ADAM18: variants seen among roughly 807,000 people sequenced by gnomAD.
ADAM18 encodes ADAM metallopeptidase domain 18.
In ADAM18, 117 loss-of-function variants were observed where a neutral mutation model predicts 94.4. That is an observed-to-expected ratio of 1.24 (90% CI 1.07 to 1.45). The LOEUF is 1.45. ADAM18 is among the 40% of genes most tolerant of loss of function. The pLI, the probability that ADAM18 is intolerant of heterozygous loss-of-function variation, is 0.00. For missense variants in ADAM18, 936 were observed against 880.0 expected (o/e 1.06, Z -0.81); for synonymous variants, 327 against 291.6 (o/e 1.12, Z -1.24).
chr8:39,612,746 G>A (rs530455063), intron 6 of ADAM18, among the ~76,000 whole-genome samples: 1 of 152,282 alleles, frequency 6.6e-6, no homozygotes, highest in South Asian at 2.1e-4. Flanking sequence ...ACATTCATTT[G>A]CAGCACAACC....
chr8:39,674,256 C>T (rs185302533), intron 14 of ADAM18, among the ~76,000 whole-genome samples: 59 of 152,194 alleles, frequency 3.9e-4, no homozygotes, highest in Admixed American at 9.8e-4. Flanking sequence ...GTGTGGGAGT[C>T]TAAGTCTCTT....
intron 14 of ADAM18, among the ~76,000 whole-genome samples, chr8:39,671,868 C>A (rs991838807): frequency 2.6e-5 from 4 of 152,170 alleles, no homozygotes. Context: ...TCCTAGCCAG[C>A]AGTTACTGCT....
intron 17 of ADAM18, among the ~76,000 whole-genome samples, chr8:39,693,530 G>A (rs1048723535): frequency 6.6e-5 from 10 of 150,446 alleles, no homozygotes; most frequent in Non-Finnish European, 8.9e-5. Flanking sequence ...AAAGTTATAC[G>A]TTTTTTGTAT....
chr8:39,706,757 G>GACTC, intron 17 of ADAM18, 33 bp from the exon 18 acceptor site: 1 of 1,235,306 alleles, frequency 8.1e-7, no homozygotes, highest in East Asian at 2.3e-5. Context: ...AGACTAAGAC[G>GACTC]ACTCAAACTG....
At chr8:39,590,186 G>A (rs374746787) in intron 2 of ADAM18, among the ~76,000 whole-genome samples, 26 of 151,514 alleles carry the variant, frequency 1.7e-4, no homozygotes, top group East Asian at 3.9e-4. Flanking sequence ...GAACCAACCC[G>A]AATGTCCAAC....
At chr8:39,722,233 A>G (rs1219289258) in intron 18 of ADAM18, among the ~76,000 whole-genome samples, 8,078 of 39,820 alleles carry the variant, frequency 0.2, 441 homozygotes, top group East Asian at 0.33. Context: ...ATATATATAT[A>G]TATATATATA....
intron 12 of ADAM18, among the ~76,000 whole-genome samples, 197 bp from the exon 13 acceptor site, chr8:39,663,598 C>CAAAAAAAAAAAAAA (rs10597769): frequency 5.1e-4 from 10 of 19,590 alleles, no homozygotes; most frequent in Non-Finnish European, 6.6e-4. Context: ...AATCCTGTCT[C>CAAAAAAAAAAAAAA]AAAAAAAAAA....
chr8:39,661,177 G>A (rs527259347), intron 12 of ADAM18, among the ~76,000 whole-genome samples: 1 of 145,346 alleles, frequency 6.9e-6, no homozygotes, highest in Non-Finnish European at 1.5e-5. Context: ...TTTTTTGAGG[G>A]AGTCTCGGTT....
chr8:39,610,793 G>A, intron 6 of ADAM18, 87 bp downstream of exon 6: 3 of 1,445,822 alleles, frequency 2.1e-6, no homozygotes, highest in South Asian at 3.2e-5. Flanking sequence ...TTAGTTAGCT[G>A]TTGAGTAGGA....
chr8:39,693,463 T>C (rs1821837999), intron 17 of ADAM18, among the ~76,000 whole-genome samples: 1 of 151,252 alleles, frequency 6.6e-6, no homozygotes, highest in South Asian at 2.1e-4. Flanking sequence ...ATTTTAGTTC[T>C]TCAGCCTTAT....
chr8:39,696,613 G>C (rs1298107405), intron 17 of ADAM18, among the ~76,000 whole-genome samples: 1 of 151,438 alleles, frequency 6.6e-6, no homozygotes, highest in Non-Finnish European at 1.5e-5. Flanking sequence ...CCCAGCATTT[G>C]TTGAAACAAT....
At chr8:39,701,200 A>T (rs1822068106) in intron 17 of ADAM18, among the ~76,000 whole-genome samples, 1 of 148,022 alleles carries the variant, frequency 6.8e-6, no homozygotes, top group South Asian at 2.1e-4. Context: ...AAAATTGGCA[A>T]TTTTATCCAT....
chr8:39,692,746 TGAGGA>T, intron 17 of ADAM18, 66 bp downstream of exon 17: 12 of 1,327,886 alleles, frequency 9.0e-6, no homozygotes, highest in Non-Finnish European at 1.2e-5. Flanking sequence ...CATCTGTTTA[TGAGGA>T]TTGAGAGTCT....
At chr8:39,622,548 G>T (rs1245578259) in intron 6 of ADAM18, among the ~76,000 whole-genome samples, 1 of 151,732 alleles carries the variant, frequency 6.6e-6, no homozygotes, top group Non-Finnish European at 1.5e-5. Flanking sequence ...TTTTACTTAT[G>T]CAATTTTTAA....
At chr8:39,693,095 C>T (rs1220105616) in intron 17 of ADAM18, among the ~76,000 whole-genome samples, 5 of 151,388 alleles carry the variant, frequency 3.3e-5, no homozygotes, top group South Asian at 2.1e-4. Flanking sequence ...TGCAACTTCA[C>T]GCAAAAAGCT....
intron 19 of ADAM18, among the ~76,000 whole-genome samples, chr8:39,726,932 A>G (rs1296239768): frequency 6.6e-6 from 1 of 152,196 alleles, no homozygotes; most frequent in Non-Finnish European, 1.5e-5. Context: ...TTACTTTCAT[A>G]AAAAGTTTAT....
chr8:39,680,012 G>A, intron 15 of ADAM18, 25 bp from the exon 16 acceptor site: 2 of 1,611,428 alleles, frequency 1.2e-6, no homozygotes, highest in South Asian at 1.1e-5. Flanking sequence ...AAACTGATAA[G>A]GAACTTTTTG....
chr8:39,609,558 TCAGGTAATAG>T lies in ADAM18; in HGVS notation c.344_344+9del. Reference sequence around the variant, plus strand: ...GTGACACTCAGTATATGTTCTGGTCTCAGGTAATAGCACCTTATAAGAAATCTATAGATGG... The same window carrying T: ...GTGACACTCAGTATATGTTCTGGTCTCACCTTATAAGAAATCTATAGATGG... On this transcript the variant is annotated splice_donor_variant and splice_donor_5th_base_variant and coding_sequence_variant and intron_variant, in exon 5 of 20. Transcript: ENST00000265707. LOFTEE classifies it high-confidence loss of function. The T allele has an allele frequency of 6.2e-7, 1 of 1,604,570 alleles. No homozygotes were observed. Among genetic ancestry groups the T allele is most frequent in the Non-Finnish European group, 8.5e-7 (1 of 1,173,496 alleles).
intron 13 of ADAM18, 58 bp downstream of exon 13, chr8:39,663,948 A>T: frequency 9.0e-7 from 1 of 1,114,284 alleles, no homozygotes; most frequent in South Asian, 1.4e-5. Context: ...CGTCTGTATT[A>T]ACTGAATCAA....
Sources: gnomAD v4.1 joint callset for allele counts (sites outside exome capture counted in the v4.1 genomes callset) on GRCh38, gnomAD v4.1.1 for gene constraint, MANE v1.5 for transcripts, NCBI Gene and HGNC (gene_info 2026-07-23, HGNC 2026-07-21) for gene names.